Variants in CD2 observed in about 807,000 individuals in gnomAD.
The protein encoded by CD2 is CD2 molecule, also known as T-cell surface antigen CD2.
CD2 carries 18 observed loss-of-function variants against 23.2 expected under a neutral mutation model. The ratio of observed to expected loss-of-function variants is 0.77; its 90% CI spans 0.54 to 1.15. The LOEUF (loss-of-function observed/expected upper bound fraction) is 1.15, where lower values mean the gene tolerates loss of function less well. CD2 is among the 50% of genes most tolerant of loss of function. The probability of loss-of-function intolerance (pLI) is 0.00; values close to 1 mark genes in which losing one functional copy is unlikely to be tolerated. For synonymous variants in CD2, 162 were observed against 151.9 expected, an observed-to-expected ratio of 1.07 and a Z score of -0.49; for missense variants, 424 against 423.1, an observed-to-expected ratio of 1.00 and a Z score of -0.02.
Position 116,754,457 on chromosome 1 carries a change from A to C in CD2, c.-36A>C. ...TCTCACTTCAGTTCCTTTTGCATGA[A>C]GAGCTCAGAATCAAAAGAGGAAACC... On this transcript the variant is annotated 5_prime_UTR_variant, in exon 1 of 5. Transcript: ENST00000369478. 2 of 1,586,448 alleles carry C rather than the reference A, an allele frequency of 1.3e-6. No individual in the cohort carries two copies. Among genetic ancestry groups the C allele is most frequent in the Non-Finnish European group, 1.7e-6 (2 of 1,158,218 alleles).
Position 116,768,967 on chromosome 1 carries a change from C to G in CD2, c.*184C>G, listed in dbSNP as rs1165183613. On this transcript the variant is annotated 3_prime_UTR_variant, in exon 5 of 5. Transcript: ENST00000369478. The stretch of plus-strand genomic sequence containing the variant: ...GTGGTCAACATCTGGAGTTTTTGGT[C>G]TCCTCAGAGAGCTCCATCACACCAG... The G allele has an allele frequency of 1.6e-6, 1 of 619,272 alleles. No homozygotes were observed. Among genetic ancestry groups the G allele is most frequent in the Non-Finnish European group, 2.8e-6 (1 of 354,864 alleles). The allele number at this position is 619,272 out of a possible 1,614,324, so 38.4% of individuals were successfully genotyped here. A position where few individuals can be genotyped will look rare whatever the true frequency, so the allele number is the denominator to read the frequency against.
chr1:116,757,888 G>A (rs1651911794), intron 2 of CD2, among the ~76,000 whole-genome samples: 1 of 151,856 alleles, frequency 6.6e-6, no homozygotes, highest in South Asian at 2.1e-4. Context: ...TCATGCCTCA[G>A]CCTCCTGAGT....
At chr1:116,765,180 C>G (rs1652177645) in intron 4 of CD2, among the ~76,000 whole-genome samples, 1 of 152,148 alleles carries the variant, frequency 6.6e-6, no homozygotes, top group African/African-American at 2.4e-5. Context: ...AAAGGTTATG[C>G]TTGCAAGTGG....
chr1:116,755,351 G>A (rs3820657), intron 2 of CD2, among the ~76,000 whole-genome samples: 2,275 of 152,240 alleles, frequency 0.015, 67 homozygotes, highest in East Asian at 0.12. Flanking sequence ...GCCTTTCATC[G>A]ACAGAGCCCA....
chr1:116,760,427 C>G lies in CD2; in HGVS notation c.408C>G (p.Ser136=), dbSNP rs758023273. 1 of 1,614,138 alleles carries G rather than the reference C, an allele frequency of 6.2e-7. No individual in the cohort carries two copies. Among genetic ancestry groups the G allele is most frequent in the South Asian group, 1.1e-5 (1 of 91,076 alleles). Residue 136 remains serine (S), a synonymous_variant, in exon 3 of 5, where the codon TCC becomes TCG. Coordinates refer to ENST00000369478, the MANE Select transcript of CD2 (RefSeq NM_001767.5). ...AGAGGGTCTCAAAACCAAAGATCTC[C>G]TGGACTTGTATCAACACAACCCTGA... ...IQERVSKPKI[S]WTCINTTLTC...
chr1:116,759,422 G>A (rs1326642071), intron 2 of CD2, among the ~76,000 whole-genome samples: 3 of 142,704 alleles, frequency 2.1e-5, no homozygotes, highest in African/African-American at 8.0e-5. Context: ...ACAAAGTAAA[G>A]AATGAGAAAA....
chr1:116,762,420 A>G (rs764759096), intron 3 of CD2, among the ~76,000 whole-genome samples: 1 of 152,166 alleles, frequency 6.6e-6, no homozygotes, highest in Admixed American at 6.5e-5. Flanking sequence ...CCCTTACTCT[A>G]TGGTGCAGAG....
At position 116,754,969 on chromosome 1, in the gene CD2, T is replaced by A; in HGVS notation, c.382+18T>A. Reference sequence around the variant, plus strand: ...GATTCAAGGTAAGTGTTCATTCCCTTAATTGCTTTATTTCAGTGTGGGTGC... The same window carrying A: ...GATTCAAGGTAAGTGTTCATTCCCTAAATTGCTTTATTTCAGTGTGGGTGC... On this transcript the variant is annotated intron_variant, in intron 2 of 4. Coordinates refer to ENST00000369478, the MANE Select transcript of CD2 (RefSeq NM_001767.5). 1 of 1,527,842 alleles carries A rather than the reference T, an allele frequency of 6.5e-7. No homozygotes were observed. The highest frequency in any genetic ancestry group is 9.0e-7 in the Non-Finnish European group (1 of 1,116,784). 94.6% of individuals were successfully genotyped at this position (1,527,842 alleles called of 1,614,324 possible). A position where few individuals can be genotyped will look rare whatever the true frequency, so the allele number is the denominator to read the frequency against.
At chr1:116,755,242 A>G (rs1651802614) in intron 2 of CD2, among the ~76,000 whole-genome samples, 1 of 152,124 alleles carries the variant, frequency 6.6e-6, no homozygotes, top group Non-Finnish European at 1.5e-5. Context: ...CGGGAGGGGG[A>G]CACAGGTAGG....
chr1:116,755,041 A>G, intron 2 of CD2, 90 bp downstream of exon 2: 2 of 871,184 alleles, frequency 2.3e-6, no homozygotes, highest in East Asian at 2.6e-5. Flanking sequence ...CCCAGCGCTG[A>G]CCTCTGCCTC....
At position 116,767,546 on chromosome 1, in the gene CD2, G is replaced by A. The variant is rs573419080; in HGVS notation, c.737-918G>A. ...GCAGAGGCTGCAGTGAGCCAAGATC[G>A]CACCATTGCACTCTAGCCTGGGCAA... On this transcript the variant is annotated intron_variant, in intron 4 of 4. Transcript: ENST00000369478. Among the ~76,000 whole-genome samples the A allele has an allele frequency of 2.6e-3, 381 of 148,110 alleles. 1 individual carries two copies. The highest frequency in any genetic ancestry group is 8.4e-3 in the African/African-American group (335 of 39,930).
At position 116,764,498 on chromosome 1, in the gene CD2, A is replaced by G. The variant is rs781624157; in HGVS notation, c.628A>G (p.Ile210Val). The G allele has an allele frequency of 6.2e-7, 1 of 1,614,122 alleles. No individual in the cohort carries two copies. The highest frequency in any genetic ancestry group is 8.5e-7 in the Non-Finnish European group (1 of 1,179,978). ...PVSCPEKGLDIYLIIGICGGG... is the reference protein window; with the variant it reads ...PVSCPEKGLDVYLIIGICGGG... ...TCCTTTTGCAGAGAAAGGTCTGGAC[A>G]TCTATCTCATCATTGGCATATGTGG... The change falls in exon 4 of 5, where the codon ATC (isoleucine) becomes GTC (valine). Residue 210 changes from isoleucine (I) to valine (V), a missense_variant. Ile to Val is a conservative substitution (Grantham distance 29). Coordinates refer to ENST00000369478, the MANE Select transcript of CD2 (RefSeq NM_001767.5).
At chr1:116,756,993 T>C (rs954643251) in intron 2 of CD2, among the ~76,000 whole-genome samples, 97 of 110,356 alleles carry the variant, frequency 8.8e-4, no homozygotes, top group East Asian at 4.9e-3. Flanking sequence ...AAGCTTCTCT[T>C]TTTTTTTTTT....
At chr1:116,757,756 G>T (rs150767026) in intron 2 of CD2, among the ~76,000 whole-genome samples, 7,286 of 146,976 alleles carry the variant, frequency 0.05, 397 homozygotes, top group African/African-American at 0.14. Context: ...TATATATAGA[G>T]AGAGAGAGAG....
At chr1:116,764,736 T>C (rs798038) in intron 4 of CD2, 130 bp downstream of exon 4, 107,484 of 713,562 alleles carry the variant, frequency 0.15, 14,234 homozygotes, top group African/African-American at 0.54. Context: ...AGGGTTGTAG[T>C]CAGCGGTTAT....
At chr1:116,760,673 C>A in intron 3 of CD2, 41 bp downstream of exon 3, 1 of 1,496,164 alleles carries the variant, frequency 6.7e-7, no homozygotes, top group Non-Finnish European at 9.3e-7. Context: ...GCCTGCCAGG[C>A]CCTCAGTAGG....
At chr1:116,759,819 G>A (rs1651981288) in intron 2 of CD2, among the ~76,000 whole-genome samples, 1 of 152,090 alleles carries the variant, frequency 6.6e-6, no homozygotes, top group Non-Finnish European at 1.5e-5. Context: ...GAGCTCCTTG[G>A]ACACCCACAC....
At chr1:116,758,801 C>G (rs112503683) in intron 2 of CD2, among the ~76,000 whole-genome samples, 1 of 152,088 alleles carries the variant, frequency 6.6e-6, no homozygotes, top group African/African-American at 2.4e-5. Context: ...AAGCGCCCAA[C>G]AATACTGAGA....
At chr1:116,761,237 T>C (rs746227345) in intron 3 of CD2, among the ~76,000 whole-genome samples, 13 of 152,180 alleles carry the variant, frequency 8.5e-5, no homozygotes, top group Non-Finnish European at 1.3e-4. Flanking sequence ...TGTCCCAGCC[T>C]GATGTGACCT....
Sources: allele counts gnomAD v4.1 joint callset (sites outside exome capture counted in the v4.1 genomes callset), GRCh38; gene constraint gnomAD v4.1.1; transcripts MANE v1.5; gene names NCBI Gene and HGNC (gene_info 2026-07-23, HGNC 2026-07-21).